Variants in ADAM18 observed in about 807,000 individuals in gnomAD.
ADAM18 encodes ADAM metallopeptidase domain 18.
In ADAM18, 117 loss-of-function variants were observed where a neutral mutation model predicts 94.4. That is an observed-to-expected ratio of 1.24 (90% confidence interval 1.07 to 1.45). The LOEUF (loss-of-function observed/expected upper bound fraction) is 1.45, where lower values mean the gene tolerates loss of function less well. Among genes scored for constraint, ADAM18 ranks in the 40% most tolerant of loss-of-function variants. The pLI, the probability that ADAM18 is intolerant of heterozygous loss-of-function variation, is 0.00. For synonymous variants in ADAM18, 327 were observed against 291.6 expected, an observed-to-expected ratio of 1.12 and a Z score of -1.24; for missense variants, 936 against 880.0, an observed-to-expected ratio of 1.06 and a Z score of -0.81.
chr8:39,611,055 C>T (rs1819259198), intron 6 of ADAM18: 14 of 1,026,908 alleles, frequency 1.4e-5, no homozygotes, highest in Non-Finnish European at 1.6e-5. Flanking sequence ...ACTACCTGAA[C>T]ATATCTTTCT....
chr8:39,673,818 T>A (rs546515381), intron 14 of ADAM18, among the ~76,000 whole-genome samples: 1 of 152,226 alleles, frequency 6.6e-6, no homozygotes, highest in Non-Finnish European at 1.5e-5. Flanking sequence ...TTCTGGTACG[T>A]TTTATCTTTG....
chr8:39,608,177 A>ATATC (rs1554503386), intron 3 of ADAM18, among the ~76,000 whole-genome samples: 3 of 151,906 alleles, frequency 2.0e-5, no homozygotes, highest in Non-Finnish European at 4.4e-5. Flanking sequence ...TGTATTCAAA[A>ATATC]TATATCTATA....
At chr8:39,585,463 T>G in intron 2 of ADAM18, 111 bp downstream of exon 2, 2 of 788,236 alleles carry the variant, frequency 2.5e-6, no homozygotes, top group Admixed American at 5.9e-5. Flanking sequence ...ATCATAATAT[T>G]TTGCCTGTGC....
At chr8:39,640,292 G>C (rs764750930) in intron 10 of ADAM18, among the ~76,000 whole-genome samples, 23 of 152,116 alleles carry the variant, frequency 1.5e-4, no homozygotes, top group Non-Finnish European at 2.9e-4. Context: ...TTGACTTTTT[G>C]TTCCTGCATT....
At chr8:39,692,739 C>A in intron 17 of ADAM18, 59 bp downstream of exon 17, 9 of 1,366,850 alleles carry the variant, frequency 6.6e-6, no homozygotes, top group Non-Finnish European at 8.2e-6. Flanking sequence ...AAATAAACAT[C>A]TGTTTATGAG....
chr8:39,637,331 A>G lies in ADAM18; in HGVS notation c.656A>G (p.Asn219Ser), dbSNP rs1820107563. ...QKIVQVIGLVNTMFTQFKLTV... is the reference protein window; with the variant it reads ...QKIVQVIGLVSTMFTQFKLTV... ...ATTGTCCAGGTTATTGGGCTTGTCA[A>G]CACTGTAAGTTTTTACTTTTTCACA... is the stretch of plus-strand genomic sequence containing the variant. The change falls in exon 8 of 20, where the codon AAC becomes AGC. Residue 219 changes from asparagine to serine, a missense_variant. Physicochemically the swap from Asn to Ser is conservative, Grantham distance 46 (BLOSUM62 1). Transcript: ENST00000265707. 6.2e-7 allele frequency: 1 copy of G among 1,602,820 alleles called. No homozygotes were observed. Among genetic ancestry groups the G allele is most frequent in the Non-Finnish European group, 8.5e-7 (1 of 1,174,428 alleles).
intron 6 of ADAM18, among the ~76,000 whole-genome samples, chr8:39,628,841 T>C (rs1017659510): frequency 6.6e-6 from 1 of 152,016 alleles, no homozygotes; most frequent in African/African-American, 2.4e-5. Flanking sequence ...ATTCAATAGG[T>C]CCAGAGCATA....
chr8:39,647,476 G>C (rs1395631984), intron 11 of ADAM18, among the ~76,000 whole-genome samples: 1 of 152,138 alleles, frequency 6.6e-6, no homozygotes, highest in Non-Finnish European at 1.5e-5. Context: ...GAGACATTCA[G>C]TTCCCAGGGG....
intron 1 of ADAM18, 80 bp from the exon 2 acceptor site, chr8:39,585,196 C>T: frequency 2.6e-6 from 3 of 1,133,450 alleles, no homozygotes; most frequent in South Asian, 1.3e-5. Context: ...ACCATGCAGT[C>T]CGGGATAAGA....
intron 12 of ADAM18, among the ~76,000 whole-genome samples, chr8:39,654,266 T>C (rs1303776400): frequency 2.0e-5 from 3 of 150,454 alleles, no homozygotes; most frequent in African/African-American, 7.5e-5. Context: ...CACGCGATTC[T>C]CCTGCCTCAG....
intron 18 of ADAM18, among the ~76,000 whole-genome samples, chr8:39,720,033 T>C (rs1822703590): frequency 6.7e-6 from 1 of 150,068 alleles, no homozygotes; most frequent in African/African-American, 2.4e-5. Flanking sequence ...ATTTTTGTAA[T>C]AGATAACATC....
At position 39,648,567 on chromosome 8, in the gene ADAM18, T is replaced by C. The variant is rs896553959; in HGVS notation, c.1230+40T>C. 3.9e-6 allele frequency: 6 copies of C among 1,542,820 alleles called. No homozygotes were observed. In the African/African-American group the frequency reaches 8.3e-5, roughly 21 times the overall value. On this transcript the variant is annotated intron_variant, in intron 12 of 19. Coordinates refer to ENST00000265707, the MANE Select transcript of ADAM18 (RefSeq NM_014237.3). The stretch of plus-strand genomic sequence containing the variant: ...TTGAAACTCGAGCACAATTTTTATG[T>C]TTCTGATAAAACATAAGACATGTTT...
At chr8:39,586,432 G>A (rs1242995092) in intron 2 of ADAM18, among the ~76,000 whole-genome samples, 1 of 152,158 alleles carries the variant, frequency 6.6e-6, no homozygotes, top group African/African-American at 2.4e-5. Flanking sequence ...GCTGCTTTCT[G>A]TTGAAGAATT....
At chr8:39,718,967 G>A (rs1157529134) in intron 18 of ADAM18, among the ~76,000 whole-genome samples, 2 of 151,116 alleles carry the variant, frequency 1.3e-5, no homozygotes, top group African/African-American at 4.8e-5. Flanking sequence ...CATCCATCAG[G>A]CTCTTTTGCA....
chr8:39,661,333 T>G (rs1254477905), intron 12 of ADAM18, among the ~76,000 whole-genome samples: 2 of 140,410 alleles, frequency 1.4e-5, no homozygotes, highest in Admixed American at 1.4e-4. Context: ...TTTTTTTTTT[T>G]TTTTTTTTTT....
chr8:39,628,787 AT>A (rs756321525), intron 6 of ADAM18, among the ~76,000 whole-genome samples: 35 of 152,092 alleles, frequency 2.3e-4, no homozygotes, highest in Admixed American at 6.6e-5. Flanking sequence ...GGTGATAATC[AT>A]ATGAGTACAC....
intron 12 of ADAM18, 33 bp downstream of exon 12, chr8:39,648,560 T>G: frequency 1.9e-6 from 3 of 1,561,194 alleles, no homozygotes; most frequent in Non-Finnish European, 2.6e-6. Flanking sequence ...CGAGCACAAT[T>G]TTTATGTTTC....
intron 13 of ADAM18, among the ~76,000 whole-genome samples, chr8:39,665,099 T>C (rs1445073205): frequency 6.6e-6 from 1 of 152,186 alleles, no homozygotes; most frequent in African/African-American, 2.4e-5. Context: ...ACTCAGTCCA[T>C]GACTCCACCC....
chr8:39,725,201 A>G (rs1469740127), intron 19 of ADAM18, among the ~76,000 whole-genome samples: 1 of 152,026 alleles, frequency 6.6e-6, no homozygotes, highest in African/African-American at 2.4e-5. Context: ...ATATACAAAT[A>G]CGTATACATA....
Sources: gnomAD v4.1 joint callset for allele counts (sites outside exome capture counted in the v4.1 genomes callset) on GRCh38, gnomAD v4.1.1 for gene constraint, MANE v1.5 for transcripts, NCBI Gene and HGNC (gene_info 2026-07-23, HGNC 2026-07-21) for gene names.